The following MYO15B variants were observed in gnomAD, a reference collection of about 807,000 sequenced individuals.
The protein encoded by MYO15B is myosin XVB.
MYO15B carries 207 observed loss-of-function variants against 119.3 expected under a neutral mutation model. The ratio of observed to expected loss-of-function variants is 1.73; its 90% CI spans 1.55 to 1.95. The LOEUF (loss-of-function observed/expected upper bound fraction) is 1.95. MYO15B is among the 30% of genes most tolerant of loss of function. The pLI is 0.00. For missense variants in MYO15B, 2,264 were observed against 1,203.1 expected (o/e 1.88, Z -13.04); for synonymous variants, 966 against 498.9 (o/e 1.94, Z -12.48).
intron 21 of MYO15B, 87 bp from the exon 22 acceptor site, chr17:75,610,079 G>T: frequency 1.8e-6 from 1 of 557,748 alleles, no homozygotes; most frequent in South Asian, 2.2e-5. Context: ...GTTTTTACAT[G>T]AATGTCAGGC....
intron 12 of MYO15B, chr17:75,595,175 C>T: frequency 1.7e-6 from 1 of 598,788 alleles, no homozygotes; most frequent in Non-Finnish European, 3.0e-6. Flanking sequence ...AGGAGTGGGG[C>T]TGCCTCTGAG....
chr17:75,600,243 G>A (rs1481042480), intron 14 of MYO15B, among the ~76,000 whole-genome samples: 2 of 151,866 alleles, frequency 1.3e-5, no homozygotes, highest in African/African-American at 4.8e-5. Context: ...TAGCCAGGAT[G>A]GTCTCGATCT....
At chr17:75,605,767 A>G in intron 20 of MYO15B, 97 bp from the exon 21 acceptor site, 1 of 649,452 alleles carries the variant, frequency 1.5e-6, no homozygotes, top group Non-Finnish European at 2.8e-6. Flanking sequence ...CAGAAGAACA[A>G]ATGGTTTGGC....
chr17:75,623,664 TGAGA>T lies in MYO15B; in HGVS notation c.8083-112_8083-109del. On this transcript the variant is annotated intron_variant, in intron 53 of 63. Coordinates refer to ENST00000645453, the Ensembl canonical transcript of MYO15B. Reference sequence around the variant, plus strand: ...TAGCCAGTGCAGTGATGTCTTAAGCTGAGAGAGACATCTTGAGCCAGCCCCAGCC... The same window carrying T: ...TAGCCAGTGCAGTGATGTCTTAAGCTGAGACATCTTGAGCCAGCCCCAGCC... 1.5e-5 allele frequency: 10 copies of T among 652,928 alleles called. No homozygotes were observed. In the South Asian group the frequency reaches 1.7e-4, roughly 11 times the overall value. The allele number at this position is 652,928 out of a possible 1,614,324, so 40.4% of individuals were successfully genotyped here.
At chr17:75,596,315 G>A (rs781137985) in intron 12 of MYO15B, 145 bp from the exon 13 acceptor site, 42 of 612,910 alleles carry the variant, frequency 6.9e-5, no homozygotes, top group Non-Finnish European at 8.8e-5. Context: ...GTGCTGTGCC[G>A]GATCCTTTAG....
intron 21 of MYO15B, among the ~76,000 whole-genome samples, chr17:75,606,709 G>T (rs2057678485): frequency 6.6e-6 from 1 of 152,088 alleles, no homozygotes; most frequent in African/African-American, 2.4e-5. Flanking sequence ...CCGACCTCAG[G>T]TGATCCGCCC....
At chr17:75,617,585 G>C in intron 41 of MYO15B, 1 of 365,222 alleles carries the variant, frequency 2.7e-6, no homozygotes. Context: ...TAGTGGCCCT[G>C]GCTGACATGG....
chr17:75,607,432 AT>A (rs1190098615), intron 21 of MYO15B, among the ~76,000 whole-genome samples: 6 of 9,376 alleles, frequency 6.4e-4, no homozygotes, highest in Non-Finnish European at 2.7e-3. Flanking sequence ...TTAATAATTA[AT>A]TATTATTATT....
chr17:75,624,374 G>A (rs560034237), exon 57 of MYO15B: 108 of 702,610 alleles, frequency 1.5e-4, no homozygotes, highest in Admixed American at 1.1e-3. Context: ...TGGCAGAAAG[G>A]ACAAGCGATT....
chr17:75,615,723 C>T (rs1484605431), exon 36 of MYO15B: 11 of 696,908 alleles, frequency 1.6e-5, no homozygotes, highest in Non-Finnish European at 2.9e-5. Context: ...GGCCATGTCC[C>T]TGTCCCTGGA....
At chr17:75,615,764 T>C (rs1598877521) in exon 36 of MYO15B, 1 of 701,938 alleles carries the variant, frequency 1.4e-6, no homozygotes, top group Non-Finnish European at 2.6e-6. Flanking sequence ...AGCAGCAGGC[T>C]CGGGCCTCCG....
chr17:75,595,957 C>T (rs991229585), intron 12 of MYO15B, among the ~76,000 whole-genome samples: 38 of 152,226 alleles, frequency 2.5e-4, no homozygotes, highest in African/African-American at 8.4e-4. Flanking sequence ...GTCCTTGTGA[C>T]CGTGCCCTCC....
intron 25 of MYO15B, 136 bp downstream of exon 25, chr17:75,612,152 G>A (rs1300357016): frequency 1.1e-5 from 7 of 615,890 alleles, no homozygotes; most frequent in East Asian, 8.2e-5. Flanking sequence ...TGTGAGTAGC[G>A]CTGAATTGCT....
chr17:75,598,954 A>G (rs1383936411), intron 14 of MYO15B, among the ~76,000 whole-genome samples: 1 of 152,166 alleles, frequency 6.6e-6, no homozygotes, highest in Non-Finnish European at 1.5e-5. Context: ...TGTTACCCCA[A>G]ACCCAAGTTC....
At chr17:75,620,782 GGCTCGCCTTGTCTCTCCAGCAAGACTGT>G (rs1290133731) in intron 49 of MYO15B, 146 bp downstream of exon 49, 14 of 701,500 alleles carry the variant, frequency 2.0e-5, no homozygotes, top group African/African-American at 1.9e-4. Flanking sequence ...CGCTCCTGAT[GGCTCGCCTTGTCTCTCCAGCAAGACTGT>G]GCACTCCTTG....
intron 9 of MYO15B, among the ~76,000 whole-genome samples, chr17:75,593,513 G>A (rs760986580): frequency 1.3e-5 from 2 of 152,068 alleles, no homozygotes; most frequent in African/African-American, 2.4e-5. Flanking sequence ...GAGAAGCTGA[G>A]GCAGGAGAAT....
intron 36 of MYO15B, 29 bp from the exon 37 acceptor site, chr17:75,616,040 G>C: frequency 1.7e-6 from 1 of 580,276 alleles, no homozygotes; most frequent in Non-Finnish European, 3.1e-6. Flanking sequence ...CAGGCTGGCT[G>C]AGCTGCCACT....
In MYO15B at chr17:75,589,535, T is replaced by G; in HGVS notation, c.1478T>G (p.Leu493Arg). The change falls in exon 1 of 64, where the codon CTG (leucine) becomes CGG (arginine). Residue 493 changes from leucine to arginine, a missense_variant. Physicochemically the swap from Leu to Arg is moderately radical, Grantham distance 102. Transcript: ENST00000645453. This position sits in a 1 kb window ranked among gnomAD's most constrained non-coding sequence, Gnocchi z 4.2. ...GAGGGGTGGGGCCGTGAGCCCGGGC[T>G]GCGGCACCGTCTAGCGTTGCGCCTG... 2 of 398,588 alleles carry G rather than the reference T, an allele frequency of 5.0e-6. No homozygotes were observed. The highest frequency in any genetic ancestry group is 2.5e-4 in the South Asian group (2 of 7,864). 24.7% of individuals were successfully genotyped at this position (398,588 alleles called of 1,614,324 possible).
intron 43 of MYO15B, 46 bp downstream of exon 43, chr17:75,618,231 C>T: frequency 1.4e-6 from 1 of 702,240 alleles, no homozygotes; most frequent in Non-Finnish European, 2.6e-6. Flanking sequence ...GCAGAGACAG[C>T]ATCCTTCGTG....
Sources: allele counts gnomAD v4.1 joint callset (sites outside exome capture counted in the v4.1 genomes callset), GRCh38; gene constraint gnomAD v4.1.1; non-coding constraint Gnocchi (gnomAD v3.1); transcripts MANE v1.5; gene names NCBI Gene and HGNC (gene_info 2026-07-23, HGNC 2026-07-21).